The following SYNE2 variants were observed in gnomAD, a reference collection of about 807,000 sequenced individuals.
SYNE2 encodes nesprin-2.
A neutral mutation model predicts 856.3 loss-of-function variants in SYNE2; 431 were observed. That is an observed-to-expected ratio of 0.50 (90% CI 0.47 to 0.55). SYNE2 has a LOEUF of 0.55. Ranked by LOEUF, SYNE2 falls within the 20% of genes least tolerant of loss-of-function variation. The pLI is 0.00. For synonymous variants in SYNE2, 2,923 were observed against 2,872.3 expected (o/e 1.02, Z -0.56); for missense variants, 8,129 against 8,023.2 (o/e 1.01, Z -0.50).
chr14:63,965,552 A>C (rs569976406), intron 10 of SYNE2, among the ~76,000 whole-genome samples: 2 of 152,340 alleles, frequency 1.3e-5, no homozygotes, highest in African/African-American at 4.8e-5. Flanking sequence ...CCCGTTTCTT[A>C]GAGCCTGTTG....
intron 10 of SYNE2, among the ~76,000 whole-genome samples, chr14:63,967,166 A>T (rs924852385): frequency 6.6e-6 from 1 of 152,176 alleles, no homozygotes; most frequent in Admixed American, 6.5e-5. Flanking sequence ...GCCTGGCCTG[A>T]TAACTCTTAA....
In SYNE2 at chr14:64,026,750, C is replaced by A; in HGVS notation, c.6404+20C>A. On this transcript the variant is annotated intron_variant, in intron 42 of 115. Transcript: ENST00000555002. The stretch of plus-strand genomic sequence containing the variant: ...CCTAAGGTAAAGGGCATGCCTGCAC[C>A]ACTTGCATCATATCCCATTGCCCAG... 6.3e-7 allele frequency: 1 copy of A among 1,594,240 alleles called. No homozygotes were observed. Among genetic ancestry groups the A allele is most frequent in the East Asian group, 2.3e-5 (1 of 44,272 alleles).
chr14:64,103,842 C>T (rs2097754179), intron 64 of SYNE2, among the ~76,000 whole-genome samples: 2 of 152,174 alleles, frequency 1.3e-5, no homozygotes, highest in Admixed American at 1.3e-4. Flanking sequence ...TCTCTGTAGA[C>T]TTCCTTCCCA....
Position 64,052,053 on chromosome 14 carries a change from G to T in SYNE2, c.8140G>T (p.Glu2714Ter). The T allele has an allele frequency of 6.2e-7, 1 of 1,613,960 alleles. No homozygotes were observed. Among genetic ancestry groups the T allele is most frequent in the Non-Finnish European group, 8.5e-7 (1 of 1,179,998 alleles). ...AATAAATAACTTGAAGAAACAATGG[G>T]AAACATTGGAGCCATTACACTTAGA... ...DGINNLKKQW[E>*]TLEPLHLEAE... is the part of the protein sequence containing the mutation. The change falls in exon 48 of 116, where the codon GAA (glutamate) becomes TAA (stop). Residue 2714 changes from glutamate to a stop codon, truncating the protein, a stop_gained. Transcript: ENST00000555002. LOFTEE classifies it high-confidence loss of function.
Position 63,985,788 on chromosome 14 carries a change from G to A in SYNE2, c.2152-668G>A, listed in dbSNP as rs143462152. ...CCAGCTCTTTGGGAGGTTGAGATGGGACTTAAGCCCAGGAGTTCAAGATCA... is the reference window on the plus strand; with the variant it reads ...CCAGCTCTTTGGGAGGTTGAGATGGAACTTAAGCCCAGGAGTTCAAGATCA... On this transcript the variant is annotated intron_variant, in intron 18 of 115. Transcript: ENST00000555002. 2.3e-3 allele frequency among the ~76,000 whole-genome samples: 346 copies of A among 152,248 alleles called. 1 individual carries two copies. The highest frequency in any genetic ancestry group is 7.8e-3 in the African/African-American group (322 of 41,548).
At chr14:63,974,892 G>GTGTGTGTGTGTGTATATA (rs1375697679) in intron 11 of SYNE2, among the ~76,000 whole-genome samples, 1 of 67,328 alleles carries the variant, frequency 1.5e-5, no homozygotes, top group Admixed American at 2.4e-4. Flanking sequence ...GTGTGTGTGT[G>GTGTGTGTGTGTGTATATA]TATATATATA....
In SYNE2 at chr14:64,002,049, A is replaced by G. The variant is rs1299006388; in HGVS notation, c.3754A>G (p.Ile1252Val). 9 of 1,613,332 alleles carry G rather than the reference A, an allele frequency of 5.6e-6. No homozygotes were observed. Among genetic ancestry groups the G allele is most frequent in the Non-Finnish European group, 7.6e-6 (9 of 1,179,242 alleles). The change falls in exon 29 of 116, where the codon ATT (isoleucine) becomes GTT (valine). Residue 1252 changes from isoleucine to valine, a missense_variant. Ile to Val is a conservative substitution (Grantham distance 29). Coordinates refer to ENST00000555002, the MANE Select transcript of SYNE2 (RefSeq NM_182914.3). The stretch of plus-strand genomic sequence containing the variant: ...AATGGCCATCCAGGGATTTCATCTC[A>G]TTGATGCTGATCGCATCTATCAACA... Reference protein sequence around the residue: ...HKMAIQGFHLIDADRIYQHLR... With the variant: ...HKMAIQGFHLVDADRIYQHLR...
chr14:64,003,088 T>C lies in SYNE2; in HGVS notation c.4155T>C (p.Asp1385=), dbSNP rs755227561. Residue 1385 remains aspartate (D), a synonymous_variant, in exon 30 of 116, where the codon GAT becomes GAC. Coordinates refer to ENST00000555002, the MANE Select transcript of SYNE2 (RefSeq NM_182914.3). ...TGGATAAATGTTTGAAGATGCTCGA[T>C]ATGAGCTTTAAAGATGCTGAACGGG... The part of the protein sequence containing the change: ...KHLDKCLKML[D]MSFKDAERGD... 5 of 1,614,166 alleles carry C rather than the reference T, an allele frequency of 3.1e-6. No homozygotes were observed. In the South Asian group the frequency reaches 3.3e-5, roughly 11 times the overall value.
chr14:64,224,285 A>C (rs2098708117), intron 113 of SYNE2, among the ~76,000 whole-genome samples, 176 bp from the exon 114 acceptor site: 1 of 151,414 alleles, frequency 6.6e-6, no homozygotes, highest in Non-Finnish European at 1.5e-5. Context: ...TGGGAGGTTG[A>C]GGCTGCAGTG....
chr14:63,918,482 G>A (rs906054524), intron 2 of SYNE2, among the ~76,000 whole-genome samples: 8 of 152,074 alleles, frequency 5.3e-5, no homozygotes, highest in Non-Finnish European at 8.8e-5. Context: ...TAAAAGTGGC[G>A]GATAAAAGGA....
Position 63,884,038 on chromosome 14 carries a change from A to T in SYNE2, c.-51-25060A>T, listed in dbSNP as rs190910661. The stretch of plus-strand genomic sequence containing the variant: ...GCGGGCCCTTGGTGTGGCCCAGGAG[A>T]TGAAGGAAAGCCGCTCAGGGCGAAG... On this transcript the variant is annotated intron_variant, in intron 1 of 115. Coordinates refer to ENST00000555002, the MANE Select transcript of SYNE2 (RefSeq NM_182914.3). Among the ~76,000 whole-genome samples the T allele has an allele frequency of 7.5e-3, 1,144 of 152,228 alleles. 6 individuals carry two copies. The highest frequency in any genetic ancestry group is 0.017 in the Admixed American group (257 of 15,292).
At chr14:64,036,180 C>T in intron 45 of SYNE2, among the ~76,000 whole-genome samples, 1 of 150,160 alleles carries the variant, frequency 6.7e-6, no homozygotes, top group African/African-American at 2.5e-5. Flanking sequence ...GTTTCTTTTT[C>T]CTCTTTTTCT....
chr14:64,110,609 T>A (rs1182844935), intron 65 of SYNE2, among the ~76,000 whole-genome samples: 1 of 89,106 alleles, frequency 1.1e-5, no homozygotes, highest in Non-Finnish European at 2.0e-5. Context: ...CCCGCCAAAG[T>A]GTACAATTAT....
rs571094536 is a variant in SYNE2, at chr14:63,889,878, A to T, written c.-51-19220A>T. On this transcript the variant is annotated intron_variant, in intron 1 of 115. Transcript: ENST00000555002. ...GTATCCATTTTTATGCTGTGGTTTGATGCATGGACAACCGTGTATTAATAT... is the reference window on the plus strand; with the variant it reads ...GTATCCATTTTTATGCTGTGGTTTGTTGCATGGACAACCGTGTATTAATAT... Among the ~76,000 whole-genome samples the T allele has an allele frequency of 2.0e-5, 3 of 152,200 alleles. No homozygotes were observed. In the South Asian group the frequency reaches 6.2e-4, roughly 32 times the overall value.
At chr14:64,114,939 G>A (rs1195583009) in intron 66 of SYNE2, among the ~76,000 whole-genome samples, 4 of 152,186 alleles carry the variant, frequency 2.6e-5, no homozygotes, top group Non-Finnish European at 5.9e-5. Flanking sequence ...GTTCTAAAGG[G>A]ATAGGTTCAC....
intron 1 of SYNE2, among the ~76,000 whole-genome samples, chr14:63,904,995 TAAGG>T (rs1334772306): frequency 6.6e-6 from 1 of 152,242 alleles, no homozygotes; most frequent in Admixed American, 6.5e-5. Context: ...TGGTGAAAGA[TAAGG>T]AAGGATTCAG....
At chr14:64,145,394 G>T (rs1014117671) in intron 83 of SYNE2, among the ~76,000 whole-genome samples, 23 of 151,938 alleles carry the variant, frequency 1.5e-4, no homozygotes, top group African/African-American at 5.3e-4. Flanking sequence ...TGTAATCCCT[G>T]CTACTAGGGA....
intron 11 of SYNE2, among the ~76,000 whole-genome samples, chr14:63,974,890 G>GTACATATATATATATATATATATA (rs1281921502): frequency 3.6e-5 from 1 of 27,502 alleles, no homozygotes; most frequent in Non-Finnish European, 7.1e-5. Context: ...GTGTGTGTGT[G>GTACATATATATATATATATATATA]TGTATATATA....
At chr14:64,049,189 A>C (rs1178359200) in intron 46 of SYNE2, 1 of 152,392 alleles carries the variant, frequency 6.6e-6, no homozygotes, top group Non-Finnish European at 1.5e-5. Flanking sequence ...CATGGCTGTC[A>C]TCCCAGTCCT....
Sources: gnomAD v4.1 joint callset for allele counts (sites outside exome capture counted in the v4.1 genomes callset) on GRCh38, gnomAD v4.1.1 for gene constraint, MANE v1.5 for transcripts, NCBI Gene and HGNC (gene_info 2026-07-23, HGNC 2026-07-21) for gene names.